The following MYO1D variants were observed in gnomAD, a reference collection of about 807,000 sequenced individuals.
The protein encoded by MYO1D is myosin ID.
A neutral mutation model predicts 122.0 loss-of-function variants in MYO1D; 83 were observed. That is an observed-to-expected ratio of 0.68 (90% CI 0.57 to 0.82). MYO1D has a LOEUF of 0.82. Among genes scored for constraint, MYO1D ranks in the 40% least tolerant of loss-of-function variants. The pLI is 0.00. For missense variants in MYO1D, 1,157 were observed against 1,269.5 expected (o/e 0.91, Z 1.35); for synonymous variants, 464 against 446.9 (o/e 1.04, Z -0.48).
At chr17:32,740,574 G>A (rs2089760766) in intron 13 of MYO1D, among the ~76,000 whole-genome samples, 1 of 152,086 alleles carries the variant, frequency 6.6e-6, no homozygotes, top group Non-Finnish European at 1.5e-5. Flanking sequence ...GACCTTCCAG[G>A]CTCAAGTGAT....
intron 15 of MYO1D, among the ~76,000 whole-genome samples, chr17:32,720,342 A>G (rs922130608): frequency 6.6e-6 from 1 of 152,152 alleles, no homozygotes; most frequent in Admixed American, 6.5e-5. Context: ...AGTGTTTTGT[A>G]TATATTATCT....
At chr17:32,845,878 A>C (rs1423338369) in intron 1 of MYO1D, among the ~76,000 whole-genome samples, 1 of 152,140 alleles carries the variant, frequency 6.6e-6, no homozygotes, top group Admixed American at 6.5e-5. Context: ...ACTTAAAGTA[A>C]AGGAAAATAT....
intron 1 of MYO1D, among the ~76,000 whole-genome samples, chr17:32,864,490 CTAA>C (rs1216220357): frequency 2.2e-5 from 3 of 137,072 alleles, no homozygotes; most frequent in Non-Finnish European, 3.1e-5. Flanking sequence ...TACAGCACCA[CTAA>C]TGTTTCCTGC....
chr17:32,810,663 G>A (rs1323414166), intron 1 of MYO1D, among the ~76,000 whole-genome samples: 1 of 152,032 alleles, frequency 6.6e-6, no homozygotes, highest in Non-Finnish European at 1.5e-5. Flanking sequence ...TTTTAGTAGA[G>A]ACGGGGTTTC....
At chr17:32,583,466 G>T (rs1315006554) in intron 21 of MYO1D, among the ~76,000 whole-genome samples, 2 of 151,942 alleles carry the variant, frequency 1.3e-5, no homozygotes, top group Non-Finnish European at 1.5e-5. Context: ...TATTTTTTCT[G>T]TCCTCCTCCT....
intron 1 of MYO1D, among the ~76,000 whole-genome samples, chr17:32,824,940 C>A (rs73283755): frequency 2.0e-5 from 3 of 151,900 alleles, no homozygotes; most frequent in Admixed American, 2.0e-4. Context: ...GAGTAGAATT[C>A]GTGGAGGAGA....
chr17:32,669,789 T>C (rs970592841), intron 16 of MYO1D, among the ~76,000 whole-genome samples: 1 of 152,236 alleles, frequency 6.6e-6, no homozygotes, highest in Non-Finnish European at 1.5e-5. Flanking sequence ...GTATAAAGCT[T>C]ACTTTAATTA....
rs1405295606 is a variant in MYO1D, at chr17:32,780,712, G to A, written c.168C>T (p.Asn56=). The A allele has an allele frequency of 1.2e-6, 2 of 1,613,976 alleles. No homozygotes were observed. The highest frequency in any genetic ancestry group is 8.5e-7 in the Non-Finnish European group (1 of 1,180,018). ...GCTCAATTGTGTCTCTTCCATAGAT[G>A]TTCAACAACTTGTAAGGGTTCACAG... ...VVSVNPYKLL[N]IYGRDTIEQY... is the part of the protein sequence containing the mutation. Residue 56 remains asparagine (N), a synonymous_variant, in exon 2 of 22, where the codon AAC becomes AAT. Coordinates refer to ENST00000318217, the MANE Select transcript of MYO1D (RefSeq NM_015194.3).
At chr17:32,762,871 C>CAA (rs1446284453) in intron 8 of MYO1D, among the ~76,000 whole-genome samples, 1 of 77,478 alleles carries the variant, frequency 1.3e-5, no homozygotes. Flanking sequence ...GACACCGTCT[C>CAA]AAAAAAAAAA....
At chr17:32,713,343 G>A (rs1331915610) in intron 15 of MYO1D, among the ~76,000 whole-genome samples, 5 of 152,068 alleles carry the variant, frequency 3.3e-5, no homozygotes. Flanking sequence ...TATCATATGT[G>A]CTTCAGTTTA....
intron 15 of MYO1D, among the ~76,000 whole-genome samples, chr17:32,718,457 G>A (rs1040170173): frequency 6.6e-6 from 1 of 152,172 alleles, no homozygotes; most frequent in Non-Finnish European, 1.5e-5. Context: ...CAGCACTTTG[G>A]GAGGCTGAGG....
In MYO1D at chr17:32,787,406, G is replaced by A. The variant is rs574013929; in HGVS notation, c.96-6622C>T. ...TGTCACCCAAGCAGCAGTGTACACC[G>A]TACCAGGTATGTACTCTTTTTTTTT... On this transcript the variant is annotated intron_variant, in intron 1 of 21. Coordinates refer to ENST00000318217, the MANE Select transcript of MYO1D (RefSeq NM_015194.3). Among the ~76,000 whole-genome samples the A allele has an allele frequency of 6.1e-4, 92 of 150,274 alleles. 1 individual carries two copies. The highest frequency in any genetic ancestry group is 2.3e-3 in the African/African-American group (91 of 40,124).
At chr17:32,597,970 T>C (rs2150908896) in intron 21 of MYO1D, among the ~76,000 whole-genome samples, 1 of 152,302 alleles carries the variant, frequency 6.6e-6, no homozygotes, top group South Asian at 2.1e-4. Context: ...TTTTTCCTCT[T>C]ATTTGGAAAT....
intron 1 of MYO1D, among the ~76,000 whole-genome samples, chr17:32,874,228 ATCTTC>A (rs900467815): frequency 2.7e-5 from 4 of 150,830 alleles, no homozygotes; most frequent in Admixed American, 6.6e-5. Context: ...TAAGGCTTTT[ATCTTC>A]TCTTTCTTTT....
chr17:32,753,524 ATCC>A (rs2089918823), intron 11 of MYO1D, among the ~76,000 whole-genome samples: 1 of 152,168 alleles, frequency 6.6e-6, no homozygotes, highest in Non-Finnish European at 1.5e-5. Flanking sequence ...GAAAAAGAAA[ATCC>A]TCTCCACAGA....
At chr17:32,808,666 A>G (rs756059232) in intron 1 of MYO1D, among the ~76,000 whole-genome samples, 7 of 152,196 alleles carry the variant, frequency 4.6e-5, no homozygotes, top group African/African-American at 1.7e-4. Context: ...CATCAAGGGT[A>G]GAGCCCTCAT....
intron 21 of MYO1D, among the ~76,000 whole-genome samples, chr17:32,547,973 G>A (rs1051729168): frequency 3.3e-5 from 5 of 151,526 alleles, no homozygotes; most frequent in African/African-American, 1.2e-4. Flanking sequence ...AATTCACTAC[G>A]GAGAGTGGTC....
chr17:32,850,567 T>G lies in MYO1D; in HGVS notation c.95+26211A>C, dbSNP rs145950480. Among the ~76,000 whole-genome samples the G allele has an allele frequency of 9.0e-4, 137 of 152,344 alleles. No individual in the cohort carries two copies. The East Asian group carries it at 0.018, about 21-fold the overall frequency. On this transcript the variant is annotated intron_variant, in intron 1 of 21. Coordinates refer to ENST00000318217, the MANE Select transcript of MYO1D (RefSeq NM_015194.3). ...TTGTAAGTGCTCTATTTACCTCTCT[T>G]TCATTGTTTCTCTATAATTCCTCTG...
At chr17:32,583,743 TTTG>T (rs1174088069) in intron 21 of MYO1D, among the ~76,000 whole-genome samples, 2 of 151,654 alleles carry the variant, frequency 1.3e-5, no homozygotes, top group African/African-American at 4.8e-5. Context: ...TTGTTTGTTC[TTTG>T]TTTTTTTTTT....
Sources: gnomAD v4.1 joint callset for allele counts (sites outside exome capture counted in the v4.1 genomes callset) on GRCh38, gnomAD v4.1.1 for gene constraint, MANE v1.5 for transcripts, NCBI Gene and HGNC (gene_info 2026-07-23, HGNC 2026-07-21) for gene names.